The following NEGR1 variants were observed in gnomAD, a reference collection of about 807,000 sequenced individuals.
The protein encoded by NEGR1 is neuronal growth regulator 1, also known as IgLON family member 4.
In NEGR1, 10 loss-of-function variants were observed where a neutral mutation model predicts 40.9. The observed-to-expected ratio is 0.24, with a 90% CI of 0.15 to 0.42. The LOEUF (loss-of-function observed/expected upper bound fraction) is 0.42, where lower values mean the gene tolerates loss of function less well. Ranked by LOEUF, NEGR1 falls within the 10% of genes least tolerant of loss-of-function variation. NEGR1 has a pLI of 1.00. For synonymous variants in NEGR1, 185 were observed against 166.8 expected, an observed-to-expected ratio of 1.11 and a Z score of -0.84; for missense variants, 352 against 438.9, an observed-to-expected ratio of 0.80 and a Z score of 1.77.
At chr1:72,014,297 A>C (rs2100408314) in intron 1 of NEGR1, among the ~76,000 whole-genome samples, 1 of 152,146 alleles carries the variant, frequency 6.6e-6, no homozygotes, top group South Asian at 2.1e-4. Context: ...TCATTTGAGA[A>C]ATTCTCAGCT....
intron 1 of NEGR1, among the ~76,000 whole-genome samples, chr1:72,127,575 T>C (rs1650077802): frequency 6.6e-6 from 1 of 150,688 alleles, no homozygotes; most frequent in South Asian, 2.1e-4. Context: ...TGCTAAAAAT[T>C]AAAAGCATCT....
At chr1:72,207,620 A>G (rs1653458073) in intron 1 of NEGR1, among the ~76,000 whole-genome samples, 1 of 151,766 alleles carries the variant, frequency 6.6e-6, no homozygotes, top group Non-Finnish European at 1.5e-5. Context: ...AACAAACATT[A>G]CAGATACATG....
chr1:71,622,705 G>A (rs1439868255), intron 4 of NEGR1, among the ~76,000 whole-genome samples: 1 of 151,798 alleles, frequency 6.6e-6, no homozygotes, highest in African/African-American at 2.4e-5. Flanking sequence ...TTCGAGATAG[G>A]TGAAGTCAAT....
chr1:72,184,316 G>A (rs968240182), intron 1 of NEGR1, among the ~76,000 whole-genome samples: 33 of 152,076 alleles, frequency 2.2e-4, no homozygotes, highest in Non-Finnish European at 4.1e-4. Context: ...ACTGCAGAAC[G>A]CAGAAGATAT....
intron 1 of NEGR1, among the ~76,000 whole-genome samples, chr1:72,169,986 C>G (rs1003548467): frequency 6.6e-6 from 1 of 152,040 alleles, no homozygotes; most frequent in African/African-American, 2.4e-5. Context: ...TACAGTAAAT[C>G]AGGAAATTTA....
chr1:71,843,990 C>G (rs906831658), intron 2 of NEGR1, among the ~76,000 whole-genome samples: 3 of 152,130 alleles, frequency 2.0e-5, no homozygotes, highest in Admixed American at 1.3e-4. Context: ...CCAGGCTAGC[C>G]TTCTTTTAAT....
intron 6 of NEGR1, among the ~76,000 whole-genome samples, chr1:71,421,986 T>G (rs143569344): frequency 4.5e-4 from 69 of 152,160 alleles, no homozygotes; most frequent in African/African-American, 1.5e-3. Context: ...CCTGCTAATC[T>G]TCCTGGAATT....
At chr1:71,843,017 C>A (rs1308951602) in intron 2 of NEGR1, among the ~76,000 whole-genome samples, 1 of 152,074 alleles carries the variant, frequency 6.6e-6, no homozygotes, top group Non-Finnish European at 1.5e-5. Context: ...AATATTTCTG[C>A]CTTTTTGATT....
intron 1 of NEGR1, among the ~76,000 whole-genome samples, chr1:72,063,891 G>C (rs545705825): frequency 2.6e-5 from 4 of 151,928 alleles, no homozygotes; most frequent in African/African-American, 9.6e-5. Flanking sequence ...CCCCCTGTAA[G>C]ATGTAGTCGG....
intron 4 of NEGR1, among the ~76,000 whole-genome samples, chr1:71,669,840 A>G (rs6424441): frequency 0.89 from 132,993 of 149,640 alleles, 58,527 homozygotes; most frequent in Non-Finnish European, 0.93. Flanking sequence ...TAGTAGAGAT[A>G]GGGATTTCAC....
intron 2 of NEGR1, among the ~76,000 whole-genome samples, chr1:71,838,162 A>G (rs1470860297): frequency 6.6e-6 from 1 of 152,256 alleles, no homozygotes; most frequent in South Asian, 2.1e-4. Flanking sequence ...GTTATTTAGA[A>G]AATCGTTAGT....
chr1:71,636,604 T>C (rs1651160013), intron 4 of NEGR1, among the ~76,000 whole-genome samples: 1 of 152,100 alleles, frequency 6.6e-6, no homozygotes, highest in South Asian at 2.1e-4. Flanking sequence ...CAGGTGCTCA[T>C]GATTATTTTC....
intron 3 of NEGR1, among the ~76,000 whole-genome samples, chr1:71,721,133 T>C (rs1366779893): frequency 6.6e-6 from 1 of 152,200 alleles, no homozygotes; most frequent in African/African-American, 2.4e-5. Context: ...TCATAAGCTA[T>C]GAAAATAATT....
chr1:71,487,019 T>G (rs968898787), intron 6 of NEGR1: 3 of 151,588 alleles, frequency 2.0e-5, no homozygotes, highest in African/African-American at 2.4e-5. Context: ...CTTGAGCAAT[T>G]CTATTCCATA....
At chr1:71,652,024 G>A (rs1455861630) in intron 4 of NEGR1, among the ~76,000 whole-genome samples, 1 of 152,090 alleles carries the variant, frequency 6.6e-6, no homozygotes, top group African/African-American at 2.4e-5. Flanking sequence ...ATTTTATGAG[G>A]TGGGATTTAT....
chr1:71,770,958 C>T (rs956258035), intron 3 of NEGR1, among the ~76,000 whole-genome samples: 2 of 152,042 alleles, frequency 1.3e-5, no homozygotes, highest in African/African-American at 2.4e-5. Flanking sequence ...TGGGTATATA[C>T]CCAAAGGATT....
chr1:72,227,000 T>C lies in NEGR1; in HGVS notation c.176+55319A>G, dbSNP rs541352963. ...ATGGAACCTATATACATGCAAAACA[T>C]TTAATCATCAAATACTATGTTTAAA... On this transcript the variant is annotated intron_variant, in intron 1 of 6. Transcript: ENST00000357731. Among the ~76,000 whole-genome samples, 170 of 152,196 alleles carry C rather than the reference T, an allele frequency of 1.1e-3. 1 individual carries two copies. Among genetic ancestry groups the C allele is most frequent in the Admixed American group, 3.4e-3 (52 of 15,232 alleles).
chr1:71,531,743 G>A (rs2101444663), intron 6 of NEGR1, among the ~76,000 whole-genome samples: 1 of 151,432 alleles, frequency 6.6e-6, no homozygotes, highest in African/African-American at 2.4e-5. Context: ...GTTTCAGTTT[G>A]AGAGGTTATG....
At chr1:71,814,349 C>T (rs1557662646) in intron 2 of NEGR1, among the ~76,000 whole-genome samples, 1 of 152,050 alleles carries the variant, frequency 6.6e-6, no homozygotes, top group Non-Finnish European at 1.5e-5. Context: ...CAATGTTCAT[C>T]AGGGATATTT....
Sources: allele counts gnomAD v4.1 joint callset (sites outside exome capture counted in the v4.1 genomes callset), GRCh38; gene constraint gnomAD v4.1.1; transcripts MANE v1.5; gene names NCBI Gene and HGNC (gene_info 2026-07-23, HGNC 2026-07-21).